The following MCTP2 variants were observed in gnomAD, a reference collection of about 807,000 sequenced individuals.
The protein encoded by MCTP2 is multiple C2 and transmembrane domain-containing protein 2.
A neutral mutation model predicts 111.6 loss-of-function variants in MCTP2; 132 were observed. The observed-to-expected ratio is 1.18, with a 90% confidence interval of 1.03 to 1.37. The LOEUF is 1.37. Ranked by LOEUF, MCTP2 falls within the 40% of genes most tolerant of loss-of-function variation. The pLI, the probability that MCTP2 is intolerant of heterozygous loss-of-function variation, is 0.00. For synonymous variants in MCTP2, 395 were observed against 387.7 expected, an observed-to-expected ratio of 1.02 and a Z score of -0.22; for missense variants, 1,183 against 1,067.9, an observed-to-expected ratio of 1.11 and a Z score of -1.50.
chr15:94,292,244 G>GA (rs942105667), intron 1 of MCTP2, among the ~76,000 whole-genome samples: 4 of 151,522 alleles, frequency 2.6e-5, no homozygotes, highest in Admixed American at 6.6e-5. Context: ...GACTGAGGGG[G>GA]AAAAAAAAGA....
chr15:94,311,642 C>T (rs932311125), intron 2 of MCTP2, among the ~76,000 whole-genome samples: 10 of 152,098 alleles, frequency 6.6e-5, no homozygotes, highest in Non-Finnish European at 1.2e-4. Flanking sequence ...GTGACAGTTA[C>T]GGTGGCTGTG....
At chr15:94,269,845 A>G (rs1039798369) in intron 1 of MCTP2, among the ~76,000 whole-genome samples, 2 of 152,084 alleles carry the variant, frequency 1.3e-5, no homozygotes, top group African/African-American at 2.4e-5. Context: ...TTGTGTTCCA[A>G]CTCTGATATT....
chr15:94,240,643 T>A (rs1266670904), intron 1 of MCTP2, among the ~76,000 whole-genome samples: 1 of 152,308 alleles, frequency 6.6e-6, no homozygotes, highest in South Asian at 2.1e-4. Context: ...AAACGCAGCA[T>A]GGTCTTGATA....
intron 12 of MCTP2, among the ~76,000 whole-genome samples, chr15:94,380,328 G>A (rs1250417170): frequency 6.6e-6 from 1 of 152,212 alleles, no homozygotes; most frequent in Non-Finnish European, 1.5e-5. Flanking sequence ...GGATGAGAAT[G>A]AGGAATCTTT....
At chr15:94,351,771 G>A (rs563687571) in intron 8 of MCTP2, among the ~76,000 whole-genome samples, 27 of 152,294 alleles carry the variant, frequency 1.8e-4, no homozygotes, top group East Asian at 1.2e-3. Context: ...GAATTATCCC[G>A]TGGGTATTGC....
At position 94,401,897 on chromosome 15, in the gene MCTP2, C is replaced by T. The variant is rs1364672029; in HGVS notation, c.1966-3C>T. 3 of 1,599,132 alleles carry T rather than the reference C, an allele frequency of 1.9e-6. No homozygotes were observed. Among genetic ancestry groups the T allele is most frequent in the Admixed American group, 3.5e-5 (2 of 57,922 alleles). ...TTTCCTGTTTGTCATTTTTTAAAATCAGATCTTATCAAGAGATGTGGACCG... is the reference window on the plus strand; with the variant it reads ...TTTCCTGTTTGTCATTTTTTAAAATTAGATCTTATCAAGAGATGTGGACCG... On this transcript the variant is annotated splice_region_variant and splice_polypyrimidine_tract_variant and intron_variant, in intron 16 of 22. Coordinates refer to ENST00000357742, the MANE Select transcript of MCTP2 (RefSeq NM_001385001.1).
intron 12 of MCTP2, among the ~76,000 whole-genome samples, chr15:94,381,322 C>A (rs2080124428): frequency 6.6e-6 from 1 of 152,200 alleles, no homozygotes; most frequent in Non-Finnish European, 1.5e-5. Context: ...TCTTGCTTCT[C>A]TCTGTTTATA....
Position 94,482,901 on chromosome 15 carries a change from G to A in MCTP2, c.*3867G>A, listed in dbSNP as rs1369872856. Reference sequence around the variant, plus strand: ...ATCAAATGCCGCTGAGATCACATAAGTACAGAATCATGACCTTAATGGTTT... The same window carrying A: ...ATCAAATGCCGCTGAGATCACATAAATACAGAATCATGACCTTAATGGTTT... On this transcript the variant is annotated 3_prime_UTR_variant, in exon 23 of 23. Transcript: ENST00000357742. The A allele has an allele frequency of 1.3e-5, 2 of 152,176 alleles. No homozygotes were observed. Among genetic ancestry groups the A allele is most frequent in the Admixed American group, 6.5e-5 (1 of 15,274 alleles). 9.4% of individuals were successfully genotyped at this position (152,176 alleles called of 1,614,324 possible). A position where few individuals can be genotyped will look rare whatever the true frequency, so the allele number is the denominator to read the frequency against.
In MCTP2 at chr15:94,285,936, A is replaced by T. The variant is rs923620275; in HGVS notation, c.-65-12265A>T. Among the ~76,000 whole-genome samples, 8 of 152,148 alleles carry T rather than the reference A, an allele frequency of 5.3e-5. 1 individual carries two copies. The highest frequency in any genetic ancestry group is 1.9e-4 in the African/African-American group (8 of 41,432). ...TCATCCGGTTCTTTTAGTTGATCTT[A>T]ATTTTGAAGGGGTTTCTGTCCACGT... On this transcript the variant is annotated intron_variant, in intron 1 of 22. Transcript: ENST00000357742.
intron 8 of MCTP2, among the ~76,000 whole-genome samples, chr15:94,352,998 T>C (rs1295253318): frequency 6.6e-6 from 1 of 152,162 alleles, no homozygotes; most frequent in Non-Finnish European, 1.5e-5. Flanking sequence ...AATAACCTTA[T>C]AGTGGTTTGC....
At chr15:94,357,406 C>G (rs1006052168) in intron 9 of MCTP2, among the ~76,000 whole-genome samples, 1 of 152,106 alleles carries the variant, frequency 6.6e-6, no homozygotes, top group Admixed American at 6.5e-5. Flanking sequence ...CAGGGTCAGG[C>G]TAAGGATTTA....
chr15:94,289,720 T>A (rs1192819417), intron 1 of MCTP2, among the ~76,000 whole-genome samples: 1 of 152,226 alleles, frequency 6.6e-6, no homozygotes, highest in Non-Finnish European at 1.5e-5. Context: ...TATTATATTA[T>A]GGGAGAAGAG....
At chr15:94,375,334 G>T (rs2079707933) in intron 12 of MCTP2, among the ~76,000 whole-genome samples, 1 of 152,296 alleles carries the variant, frequency 6.6e-6, no homozygotes, top group East Asian at 1.9e-4. Flanking sequence ...ACCTGGACCT[G>T]AGATTTGGGT....
At chr15:94,243,346 C>G (rs1484858272) in intron 1 of MCTP2, among the ~76,000 whole-genome samples, 1 of 146,092 alleles carries the variant, frequency 6.8e-6, no homozygotes, top group Non-Finnish European at 1.5e-5. Flanking sequence ...TGCGTATGTA[C>G]ATACATACGT....
intron 1 of MCTP2, among the ~76,000 whole-genome samples, chr15:94,261,212 TA>T (rs2073159308): frequency 6.6e-6 from 1 of 152,186 alleles, no homozygotes; most frequent in Non-Finnish European, 1.5e-5. Flanking sequence ...CTAAAATGTA[TA>T]AAACCAAGTT....
Position 94,356,232 on chromosome 15 carries a change from T to A in MCTP2, c.1101T>A (p.Asn367Lys), listed in dbSNP as rs77729375. Reference sequence around the variant, plus strand: ...GTATAACTTTGTTGGAAGGGAAGAATGTCTCAGGAGGAAGCATGACAGAGA... The same window carrying A: ...GTATAACTTTGTTGGAAGGGAAGAAAGTCTCAGGAGGAAGCATGACAGAGA... ...IISITLLEGK[N>K]VSGGSMTEMF... is the part of the protein sequence containing the mutation. The change falls in exon 9 of 23, where the codon AAT becomes AAA. Residue 367 changes from asparagine (N) to lysine (K), a missense_variant. Transcript: ENST00000357742. The A allele has an allele frequency of 6.2e-7, 1 of 1,613,526 alleles. No homozygotes were observed. Among genetic ancestry groups the A allele is most frequent in the East Asian group, 2.2e-5 (1 of 44,844 alleles).
At chr15:94,305,037 T>G (rs1443251604) in intron 2 of MCTP2, among the ~76,000 whole-genome samples, 1 of 152,208 alleles carries the variant, frequency 6.6e-6, no homozygotes, top group African/African-American at 2.4e-5. Context: ...TGCTGACGGA[T>G]AAAGAGTCAT....
intron 19 of MCTP2, among the ~76,000 whole-genome samples, chr15:94,443,520 T>C (rs2083909448): frequency 6.6e-6 from 1 of 152,220 alleles, no homozygotes; most frequent in Non-Finnish European, 1.5e-5. Context: ...GAGATGCTAC[T>C]AGCTTAATGG....
chr15:94,331,717 G>C (rs1007054392), intron 4 of MCTP2, among the ~76,000 whole-genome samples: 1 of 152,192 alleles, frequency 6.6e-6, no homozygotes, highest in Admixed American at 6.5e-5. Flanking sequence ...TTGGTAAATT[G>C]CTTGGAGCTA....
Sources: allele counts gnomAD v4.1 joint callset (sites outside exome capture counted in the v4.1 genomes callset), GRCh38; gene constraint gnomAD v4.1.1; transcripts MANE v1.5; gene names NCBI Gene and HGNC (gene_info 2026-07-23, HGNC 2026-07-21).